FSTL5: variants seen among roughly 807,000 people sequenced by gnomAD.
The protein encoded by FSTL5 is follistatin-related protein 5.
In FSTL5, 62 loss-of-function variants were observed where a neutral mutation model predicts 89.1. The ratio of observed to expected loss-of-function variants is 0.70; its 90% CI spans 0.57 to 0.86. The LOEUF (loss-of-function observed/expected upper bound fraction) is 0.86. Ranked by LOEUF, FSTL5 falls within the 40% of genes least tolerant of loss-of-function variation. The pLI is 0.00. For synonymous variants in FSTL5, 383 were observed against 346.2 expected (o/e 1.11, Z -1.18); for missense variants, 1,057 against 1,001.6 (o/e 1.06, Z -0.75).
At chr4:161,887,851 A>G (rs1732864147) in intron 4 of FSTL5, among the ~76,000 whole-genome samples, 1 of 152,172 alleles carries the variant, frequency 6.6e-6, no homozygotes, top group Non-Finnish European at 1.5e-5. Context: ...TTTTACAAGT[A>G]AGGACACTGA....
chr4:161,795,852 C>T (rs1435646781), intron 4 of FSTL5, among the ~76,000 whole-genome samples: 2 of 151,866 alleles, frequency 1.3e-5, no homozygotes, highest in Admixed American at 1.3e-4. Context: ...AAGCTTTATA[C>T]TATAGTTTGA....
intron 7 of FSTL5, among the ~76,000 whole-genome samples, chr4:161,635,867 A>C (rs1471112755): frequency 1.3e-5 from 2 of 152,198 alleles, no homozygotes; most frequent in Non-Finnish European, 2.9e-5. Flanking sequence ...ATTCATTTTC[A>C]GGAGTAAAAA....
intron 5 of FSTL5, among the ~76,000 whole-genome samples, chr4:161,769,125 A>T (rs1323457029): frequency 6.6e-6 from 1 of 151,942 alleles, no homozygotes; most frequent in African/African-American, 2.4e-5. Context: ...CATGTAACCT[A>T]CCAATATTGA....
intron 6 of FSTL5, among the ~76,000 whole-genome samples, chr4:161,672,345 C>T (rs914125277): frequency 1.3e-5 from 2 of 152,144 alleles, no homozygotes; most frequent in African/African-American, 4.8e-5. Flanking sequence ...CCAAGAATAT[C>T]TTTCTCAAAG....
chr4:161,515,678 T>C (rs956869524), intron 10 of FSTL5, among the ~76,000 whole-genome samples: 2 of 151,892 alleles, frequency 1.3e-5, no homozygotes, highest in Non-Finnish European at 2.9e-5. Flanking sequence ...TTTCATCATA[T>C]GAATTTCTGC....
chr4:161,793,441 A>G (rs1357366769), intron 4 of FSTL5, among the ~76,000 whole-genome samples: 4 of 152,224 alleles, frequency 2.6e-5, no homozygotes. Flanking sequence ...TTAATATTTT[A>G]TGTAAATTCA....
At chr4:162,036,488 C>G (rs10776535) in intron 2 of FSTL5, among the ~76,000 whole-genome samples, 1 of 152,052 alleles carries the variant, frequency 6.6e-6, no homozygotes, top group Non-Finnish European at 1.5e-5. Flanking sequence ...ATAAAACTCA[C>G]AGGACGTATT....
chr4:161,769,381 A>C, intron 5 of FSTL5, among the ~76,000 whole-genome samples: 1 of 152,026 alleles, frequency 6.6e-6, no homozygotes, highest in East Asian at 1.9e-4. Context: ...AAGGTATATC[A>C]AAAAATGAAA....
At chr4:161,420,045 G>A (rs984790104) in intron 15 of FSTL5, among the ~76,000 whole-genome samples, 2 of 152,204 alleles carry the variant, frequency 1.3e-5, no homozygotes, top group African/African-American at 4.8e-5. Flanking sequence ...GCTCTGCAAT[G>A]GAGGTAAGAA....
At chr4:161,524,498 A>G (rs1335855754) in intron 10 of FSTL5, among the ~76,000 whole-genome samples, 1 of 152,040 alleles carries the variant, frequency 6.6e-6, no homozygotes, top group Non-Finnish European at 1.5e-5. Flanking sequence ...CATTGACAGA[A>G]TTTCTTCTGT....
chr4:162,081,584 G>C (rs1346674234), intron 2 of FSTL5, among the ~76,000 whole-genome samples: 2 of 151,598 alleles, frequency 1.3e-5, no homozygotes, highest in Non-Finnish European at 3.0e-5. Context: ...TGGGAATCAA[G>C]CCATAGAAAA....
In FSTL5 at chr4:162,067,417, C is replaced by T. The variant is rs376173772; in HGVS notation, c.127-33759G>A. Among the ~76,000 whole-genome samples, 38 of 152,134 alleles carry T rather than the reference C, an allele frequency of 2.5e-4. No individual in the cohort carries two copies. The East Asian group carries it at 4.1e-3, about 16-fold the overall frequency. On this transcript the variant is annotated intron_variant, in intron 2 of 15. Transcript: ENST00000306100. ...CATTTGGGTTGATTCCATGTTTTTG[C>T]TATTGTGAATTATGCTGCAATAAAC...
At chr4:162,032,559 T>G (rs970127525) in intron 3 of FSTL5, 5 of 152,162 alleles carry the variant, frequency 3.3e-5, no homozygotes, top group African/African-American at 1.2e-4. Context: ...CGCAAATGCA[T>G]GTGTTTTTTA....
intron 2 of FSTL5, among the ~76,000 whole-genome samples, 200 bp downstream of exon 2, chr4:162,111,071 T>C (rs913130256): frequency 3.3e-5 from 5 of 152,098 alleles, no homozygotes; most frequent in African/African-American, 1.2e-4. Context: ...CTATTCTTTG[T>C]CAAGAAGTAG....
In FSTL5 at chr4:161,739,060, G is replaced by T. The variant is rs76844647; in HGVS notation, c.727+20351C>A. 3.6e-3 allele frequency among the ~76,000 whole-genome samples: 555 copies of T among 152,224 alleles called. 4 individuals carry two copies. Among genetic ancestry groups the T allele is most frequent in the Non-Finnish European group, 5.0e-3 (340 of 68,000 alleles). ...AATTCCTGTTTCAGTTATTAAAAAT[G>T]TTTGATGTGACTACTTGTGTTATGT... On this transcript the variant is annotated intron_variant, in intron 6 of 15. Transcript: ENST00000306100.
chr4:161,540,788 T>C (rs1005835168), intron 9 of FSTL5, among the ~76,000 whole-genome samples: 1 of 152,136 alleles, frequency 6.6e-6, no homozygotes, highest in Admixed American at 6.6e-5. Flanking sequence ...TGATTGTTAC[T>C]GATACTGTTT....
intron 8 of FSTL5, among the ~76,000 whole-genome samples, chr4:161,551,549 C>T (rs1732213414): frequency 6.6e-6 from 1 of 151,878 alleles, no homozygotes. Context: ...GCCAAAAGAA[C>T]AAAACTGGAG....
intron 3 of FSTL5, among the ~76,000 whole-genome samples, chr4:161,987,778 G>GGAAT (rs1307018399): frequency 6.6e-6 from 1 of 151,448 alleles, no homozygotes; most frequent in African/African-American, 2.4e-5. Flanking sequence ...TCTCAATGCA[G>GGAAT]GAATGCAGGA....
At chr4:162,108,588 G>A (rs1015167409) in intron 2 of FSTL5, among the ~76,000 whole-genome samples, 1 of 151,500 alleles carries the variant, frequency 6.6e-6, no homozygotes, top group Non-Finnish European at 1.5e-5. Context: ...TGCATTATTT[G>A]TCTTAAAATA....
Sources: allele counts gnomAD v4.1 joint callset (sites outside exome capture counted in the v4.1 genomes callset), GRCh38; gene constraint gnomAD v4.1.1; transcripts MANE v1.5; gene names NCBI Gene and HGNC (gene_info 2026-07-23, HGNC 2026-07-21).